KIF3B: variants seen among roughly 807,000 people sequenced by gnomAD.
KIF3B encodes kinesin family member 3B.
A neutral mutation model predicts 74.3 loss-of-function variants in KIF3B; 38 were observed. The observed-to-expected ratio is 0.51, with a 90% CI of 0.39 to 0.67. The LOEUF (loss-of-function observed/expected upper bound fraction) is 0.67, where lower values mean the gene tolerates loss of function less well. KIF3B is among the 30% of genes least tolerant of loss of function. The pLI is 0.00. For synonymous variants in KIF3B, 326 were observed against 342.5 expected, an observed-to-expected ratio of 0.95 and a Z score of 0.53; for missense variants, 649 against 932.0, an observed-to-expected ratio of 0.70 and a Z score of 3.95.
intron 5 of KIF3B, among the ~76,000 whole-genome samples, chr20:32,320,315 T>C (rs1053863605): frequency 3.3e-5 from 5 of 152,306 alleles, no homozygotes; most frequent in East Asian, 1.9e-4. Flanking sequence ...GTATTACTTA[T>C]AGCACAAAAG....
intron 1 of KIF3B, among the ~76,000 whole-genome samples, chr20:32,279,293 C>T (rs1447065561): frequency 1.3e-5 from 2 of 151,944 alleles, no homozygotes; most frequent in Admixed American, 1.3e-4. Context: ...TGTATTTTAT[C>T]CCCCATTCAC....
intron 1 of KIF3B, among the ~76,000 whole-genome samples, chr20:32,287,872 C>CTTTTTTTTTTT (rs10699896): frequency 2.1e-5 from 1 of 47,498 alleles, no homozygotes; most frequent in African/African-American, 8.7e-5. Context: ...CTAAAAGTAT[C>CTTTTTTTTTTT]TTTTTTTTTT....
At chr20:32,330,053 C>A in intron 7 of KIF3B, 88 bp from the exon 8 acceptor site, 1 of 1,225,224 alleles carries the variant, frequency 8.2e-7, no homozygotes, top group Non-Finnish European at 1.1e-6. Context: ...GCAATTTGCA[C>A]TTCTATTCTT....
In KIF3B at chr20:32,311,193, G is replaced by T; in HGVS notation, c.1404+12G>T. The T allele has an allele frequency of 6.3e-7, 1 of 1,588,234 alleles. No individual in the cohort carries two copies. The highest frequency in any genetic ancestry group is 8.6e-7 in the Non-Finnish European group (1 of 1,168,002). ...GCGCCAAGATCAAGGTACCATACCCGTACCCTTCCTTAGGCCCTTGCCCTG... is the reference window on the plus strand; with the variant it reads ...GCGCCAAGATCAAGGTACCATACCCTTACCCTTCCTTAGGCCCTTGCCCTG... On this transcript the variant is annotated intron_variant, in intron 2 of 8. Transcript: ENST00000375712.
intron 5 of KIF3B, among the ~76,000 whole-genome samples, chr20:32,318,371 A>G (rs1344500005): frequency 6.6e-6 from 1 of 152,178 alleles, no homozygotes; most frequent in Non-Finnish European, 1.5e-5. Flanking sequence ...ATATATGCAT[A>G]GGGCTATAAA....
intron 1 of KIF3B, among the ~76,000 whole-genome samples, chr20:32,308,726 C>T (rs2047784764): frequency 7.7e-6 from 1 of 130,510 alleles, no homozygotes; most frequent in African/African-American, 2.9e-5. Context: ...TTTTATTTTA[C>T]TTTTTTTTTT....
chr20:32,298,175 C>G (rs941428963), intron 1 of KIF3B, among the ~76,000 whole-genome samples: 2 of 151,488 alleles, frequency 1.3e-5, no homozygotes, highest in Non-Finnish European at 2.9e-5. Context: ...CAATGTCACA[C>G]CAGTAATCCC....
intron 5 of KIF3B, among the ~76,000 whole-genome samples, chr20:32,319,588 T>G (rs185881381): frequency 0.029 from 3,997 of 139,674 alleles, 185 homozygotes; most frequent in African/African-American, 0.1. Flanking sequence ...TTTTGTTTTT[T>G]TTTTTTTTTT....
chr20:32,317,841 A>G (rs1357199366), intron 5 of KIF3B, among the ~76,000 whole-genome samples: 5 of 152,044 alleles, frequency 3.3e-5, no homozygotes, highest in South Asian at 2.1e-4. Context: ...GAGTCTCTCT[A>G]TGTTACCTAA....
rs374381896 is a variant in KIF3B, at chr20:32,329,186, G to T, written c.1969-955G>T. On this transcript the variant is annotated intron_variant, in intron 7 of 8. Transcript: ENST00000375712. ...GCCTCCCAGAGTGCTGGGATTACAGGCATGTGCCAACACGCTCAGCTAATT... is the reference window on the plus strand; with the variant it reads ...GCCTCCCAGAGTGCTGGGATTACAGTCATGTGCCAACACGCTCAGCTAATT... Among the ~76,000 whole-genome samples the T allele has an allele frequency of 6.6e-5, 10 of 152,288 alleles. 1 individual carries two copies. The East Asian group carries it at 1.5e-3, about 24-fold the overall frequency.
intron 1 of KIF3B, among the ~76,000 whole-genome samples, chr20:32,288,906 A>C (rs1187944337): frequency 6.6e-6 from 1 of 152,202 alleles, no homozygotes; most frequent in Non-Finnish European, 1.5e-5. Context: ...TAATAAAATA[A>C]ATCCTATGAT....
intron 7 of KIF3B, among the ~76,000 whole-genome samples, chr20:32,328,804 A>C (rs1286027602): frequency 1.3e-5 from 2 of 152,206 alleles, no homozygotes; most frequent in Non-Finnish European, 2.9e-5. Context: ...TGTGTCAGTC[A>C]TGTAGTCATT....
chr20:32,292,883 T>C (rs2047700060), intron 1 of KIF3B, among the ~76,000 whole-genome samples: 1 of 152,214 alleles, frequency 6.6e-6, no homozygotes, highest in African/African-American at 2.4e-5. Flanking sequence ...ATGTTCAGTA[T>C]AGCCACTGCA....
At chr20:32,297,736 A>G (rs774323689) in intron 1 of KIF3B, among the ~76,000 whole-genome samples, 1 of 151,986 alleles carries the variant, frequency 6.6e-6, no homozygotes, top group Non-Finnish European at 1.5e-5. Flanking sequence ...GAAGATTCCT[A>G]TTGCTGCCAC....
chr20:32,289,879 A>G (rs535028774), intron 1 of KIF3B, among the ~76,000 whole-genome samples: 3 of 152,118 alleles, frequency 2.0e-5, no homozygotes, highest in Non-Finnish European at 4.4e-5. Flanking sequence ...TTGCTTTGCC[A>G]CTTATTAACT....
chr20:32,299,379 G>GTGTATATATATATATATA lies in KIF3B; in HGVS notation c.-65-10333_-65-10332insGTATATATATATATATAT, dbSNP rs1187264463. Reference sequence around the variant, plus strand: ...CTTGTAACTACTGAATGGTGTGTGTGTATATATATATATATATATATATAT... The same window carrying GTGTATATATATATATATA: ...CTTGTAACTACTGAATGGTGTGTGTGTGTATATATATATATATATATATATATATATATATATATATAT... On this transcript the variant is annotated intron_variant, in intron 1 of 8. Coordinates refer to ENST00000375712, the MANE Select transcript of KIF3B (RefSeq NM_004798.4). Among the ~76,000 whole-genome samples, 26 of 23,086 alleles carry GTGTATATATATATATATA rather than the reference G, an allele frequency of 1.1e-3. 1 individual carries two copies. Among genetic ancestry groups the GTGTATATATATATATATA allele is most frequent in the African/African-American group, 4.8e-3 (21 of 4,368 alleles). The allele number at this position is 23,086 out of a possible 152,430, so 15.1% of individuals were successfully genotyped here.
intron 1 of KIF3B, among the ~76,000 whole-genome samples, chr20:32,280,227 C>T (rs946002604): frequency 4.6e-5 from 7 of 152,178 alleles, no homozygotes; most frequent in African/African-American, 4.8e-5. Context: ...TTGGGTTTAA[C>T]GTGGTGCTTG....
chr20:32,311,991 T>C (rs1225407789), intron 2 of KIF3B, among the ~76,000 whole-genome samples: 4 of 151,822 alleles, frequency 2.6e-5, no homozygotes, highest in African/African-American at 2.4e-5. Flanking sequence ...TTAGTAGAGA[T>C]GGGGTTTCAC....
At chr20:32,313,658 G>T (rs565435069) in intron 2 of KIF3B, among the ~76,000 whole-genome samples, 1 of 152,246 alleles carries the variant, frequency 6.6e-6, no homozygotes, top group Non-Finnish European at 1.5e-5. Context: ...AGCACTTCAT[G>T]CCTTCTCACT....
Sources: gnomAD v4.1 joint callset for allele counts (sites outside exome capture counted in the v4.1 genomes callset) on GRCh38, gnomAD v4.1.1 for gene constraint, MANE v1.5 for transcripts, NCBI Gene and HGNC (gene_info 2026-07-23, HGNC 2026-07-21) for gene names.